The following THSD4 variants were observed in gnomAD, a reference collection of about 807,000 sequenced individuals.
THSD4 encodes the protein thrombospondin type 1 domain containing 4, also known as thrombospondin type-1 domain-containing protein 4.
Under a neutral mutation model 119.0 loss-of-function variants are expected in THSD4, and 69 were observed. That is an observed-to-expected ratio of 0.58 (90% CI 0.48 to 0.71). The LOEUF (loss-of-function observed/expected upper bound fraction) is 0.71. THSD4 is among the 30% of genes least tolerant of loss of function. The pLI is 0.00. For missense variants in THSD4, 1,393 were observed against 1,391.1 expected (o/e 1.00, Z -0.02); for synonymous variants, 524 against 540.4 (o/e 0.97, Z 0.42).
intron 6 of THSD4, among the ~76,000 whole-genome samples, chr15:71,377,881 C>CACACACACACACACACACACACACAA (rs1210220144): frequency 1.4e-4 from 11 of 79,718 alleles, no homozygotes; most frequent in Non-Finnish European, 2.3e-4. Flanking sequence ...CACACACACA[C>CACACACACACACACACACACACACAA]ACACACACAC....
rs570037481 is a variant in THSD4 at position 71,540,093 on chromosome 15, C to A, written c.1153-120437C>A. Among the ~76,000 whole-genome samples, 4 of 149,878 alleles carry A rather than the reference C, an allele frequency of 2.7e-5. No individual in the cohort carries two copies. The South Asian group carries it at 8.6e-4, about 32-fold the overall frequency. On this transcript the variant is annotated intron_variant, in intron 7 of 17. Transcript: ENST00000261862. ...GGAGGACTTGTGCATGGCTTCATTT[C>A]TCTTCTTAACTATTATTACAACCAT...
chr15:71,679,909 G>A (rs2051739336), intron 8 of THSD4, among the ~76,000 whole-genome samples: 1 of 152,174 alleles, frequency 6.6e-6, no homozygotes, highest in Non-Finnish European at 1.5e-5. Context: ...TGGGCTCTGT[G>A]ATTCCAAACA....
At chr15:71,347,775 A>G (rs1474920974) in intron 6 of THSD4, among the ~76,000 whole-genome samples, 3 of 151,888 alleles carry the variant, frequency 2.0e-5, no homozygotes, top group Admixed American at 6.6e-5. Context: ...GTGTAGATAT[A>G]GAACATTTCC....
At position 71,777,606 on chromosome 15, in the gene THSD4, C is replaced by T; in HGVS notation, c.*232C>T. 1.8e-6 allele frequency: 1 copy of T among 562,342 alleles called. No homozygotes were observed. Among genetic ancestry groups the T allele is most frequent in the Non-Finnish European group, 3.1e-6 (1 of 317,578 alleles). 34.8% of individuals were successfully genotyped at this position (562,342 alleles called of 1,614,324 possible). A position where few individuals can be genotyped will look rare whatever the true frequency, so the allele number is the denominator to read the frequency against. ...AGCATCACCATGTACTGATGATCCC[C>T]TCCTTGGACCTGGCATCTGCTAATG... On this transcript the variant is annotated 3_prime_UTR_variant, in exon 18 of 18. Coordinates refer to ENST00000261862, the MANE Select transcript of THSD4 (RefSeq NM_024817.3).
In THSD4 at chr15:71,365,812, G is replaced by A. The variant is rs141565266; in HGVS notation, c.1016-45875G>A. Among the ~76,000 whole-genome samples, 693 of 152,166 alleles carry A rather than the reference G, an allele frequency of 4.6e-3. 4 individuals are homozygous for A. Among genetic ancestry groups the A allele is most frequent in the Non-Finnish European group, 7.4e-3 (501 of 67,996 alleles). On this transcript the variant is annotated intron_variant, in intron 6 of 17. Transcript: ENST00000261862. ...TCACTGTTCTTGGTTGAAAACTCAG[G>A]TAGTCTCATGACTTTTTTGATCACT...
chr15:71,379,651 G>C (rs1478363501), intron 6 of THSD4, among the ~76,000 whole-genome samples: 2 of 151,294 alleles, frequency 1.3e-5, no homozygotes, highest in Non-Finnish European at 2.9e-5. Context: ...GTAGAGACAG[G>C]GTTTCACCGT....
At chr15:71,229,091 T>C (rs887172977) in intron 4 of THSD4, among the ~76,000 whole-genome samples, 1 of 152,244 alleles carries the variant, frequency 6.6e-6, no homozygotes, top group Non-Finnish European at 1.5e-5. Flanking sequence ...AAAGCTGTAC[T>C]GTGTTGCAGT....
chr15:71,364,752 T>C (rs1295430060), intron 6 of THSD4, among the ~76,000 whole-genome samples: 1 of 152,250 alleles, frequency 6.6e-6, no homozygotes, highest in Non-Finnish European at 1.5e-5. Flanking sequence ...GTTTTCTTTT[T>C]AGCCTTTGCA....
At chr15:71,579,766 GAGAGACAC>G (rs2049523055) in intron 7 of THSD4, among the ~76,000 whole-genome samples, 1 of 152,184 alleles carries the variant, frequency 6.6e-6, no homozygotes, top group Non-Finnish European at 1.5e-5. Flanking sequence ...CAATAGCAAT[GAGAGACAC>G]CTGTTTATAA....
chr15:71,515,600 GGCTATTTAAA>G (rs1022486683), intron 7 of THSD4, among the ~76,000 whole-genome samples: 8 of 152,114 alleles, frequency 5.3e-5, no homozygotes, highest in African/African-American at 1.7e-4. Flanking sequence ...ATAAATCTTC[GGCTATTTAAA>G]GCATTCCTTT....
chr15:71,339,628 CT>C (rs2045537619), intron 6 of THSD4, among the ~76,000 whole-genome samples: 1 of 152,136 alleles, frequency 6.6e-6, no homozygotes, highest in Non-Finnish European at 1.5e-5. Flanking sequence ...TCTGTCATAA[CT>C]TGAGATAAGT....
intron 7 of THSD4, among the ~76,000 whole-genome samples, chr15:71,489,603 C>G (rs2047881739): frequency 6.6e-6 from 1 of 152,146 alleles, no homozygotes; most frequent in Non-Finnish European, 1.5e-5. Flanking sequence ...CTCCCCTACT[C>G]CGCTTCTCCA....
At chr15:71,544,168 A>G (rs2048802540) in intron 7 of THSD4, among the ~76,000 whole-genome samples, 1 of 152,214 alleles carries the variant, frequency 6.6e-6, no homozygotes, top group Non-Finnish European at 1.5e-5. Context: ...AGGGTGTGTC[A>G]AGGAGTCCAG....
At chr15:71,734,823 T>C (rs1182439512) in intron 10 of THSD4, among the ~76,000 whole-genome samples, 2 of 146,040 alleles carry the variant, frequency 1.4e-5, no homozygotes, top group East Asian at 2.0e-4. Flanking sequence ...AAAAAAAGCC[T>C]ATTAAAAAAA....
chr15:71,464,395 G>C (rs2047470699), intron 7 of THSD4, among the ~76,000 whole-genome samples: 1 of 151,988 alleles, frequency 6.6e-6, no homozygotes, highest in Admixed American at 6.6e-5. Flanking sequence ...ATTTAGAGAA[G>C]GTATACTCTT....
rs139270865 is a variant in THSD4 at position 71,419,904 on chromosome 15, A to G, written c.1152+8081A>G. Among the ~76,000 whole-genome samples, 157 of 108,678 alleles carry G rather than the reference A, an allele frequency of 1.4e-3. 39 individuals are homozygous for G. Among genetic ancestry groups the G allele is most frequent in the African/African-American group, 4.6e-3 (146 of 32,026 alleles). The allele number at this position is 108,678 out of a possible 152,430, so 71.3% of individuals were successfully genotyped here. On this transcript the variant is annotated intron_variant, in intron 7 of 17. Coordinates refer to ENST00000261862, the MANE Select transcript of THSD4 (RefSeq NM_024817.3). ...TGTTTGGTGGCCTAACATATGGTCT[A>G]TCCTTAAGAATGATGCATGTGCTGA...
intron 6 of THSD4, among the ~76,000 whole-genome samples, chr15:71,308,262 C>G (rs1438613385): frequency 6.6e-6 from 1 of 152,310 alleles, no homozygotes. Flanking sequence ...GTTTGAGCAT[C>G]GCAGGCCTGC....
At chr15:71,511,988 G>GGGC (rs1415332706) in intron 7 of THSD4, among the ~76,000 whole-genome samples, 1 of 152,152 alleles carries the variant, frequency 6.6e-6, no homozygotes, top group East Asian at 1.9e-4. Flanking sequence ...TCTGCTGTTT[G>GGGC]GGCCATCTAG....
At chr15:71,459,380 G>GTCTCTCTCTCTCTC in intron 7 of THSD4, among the ~76,000 whole-genome samples, 1 of 137,760 alleles carries the variant, frequency 7.3e-6, no homozygotes, top group East Asian at 2.2e-4. Context: ...CTGTCTCTCT[G>GTCTCTCTCTCTCTC]TCTCTCTCTC....
Sources: allele counts gnomAD v4.1 joint callset (sites outside exome capture counted in the v4.1 genomes callset), GRCh38; gene constraint gnomAD v4.1.1; transcripts MANE v1.5; gene names NCBI Gene and HGNC (gene_info 2026-07-23, HGNC 2026-07-21).